Variants in CLIP4 observed in about 807,000 individuals in gnomAD.
The protein encoded by CLIP4 is CAP-Gly domain containing linker protein family member 4.
Under a neutral mutation model 73.1 loss-of-function variants are expected in CLIP4, and 47 were observed. The observed-to-expected ratio is 0.64, with a 90% CI of 0.51 to 0.82. The LOEUF (loss-of-function observed/expected upper bound fraction) is 0.82, where lower values mean the gene tolerates loss of function less well. Among genes scored for constraint, CLIP4 ranks in the 40% least tolerant of loss-of-function variants. The probability of loss-of-function intolerance (pLI) is 0.00; values close to 1 mark genes in which losing one functional copy is unlikely to be tolerated. For missense variants in CLIP4, 874 were observed against 852.9 expected, an observed-to-expected ratio of 1.02 and a Z score of -0.31; for synonymous variants, 306 against 295.4, an observed-to-expected ratio of 1.04 and a Z score of -0.37.
At chr2:29,159,663 A>G (rs1232820155) in intron 11 of CLIP4, among the ~76,000 whole-genome samples, 17 of 146,866 alleles carry the variant, frequency 1.2e-4, no homozygotes, top group Admixed American at 8.4e-4. Flanking sequence ...CTTGGTCAAC[A>G]CAGCAAGACC....
At chr2:29,166,441 C>G (rs1667621137) in intron 13 of CLIP4, among the ~76,000 whole-genome samples, 1 of 151,642 alleles carries the variant, frequency 6.6e-6, no homozygotes, top group African/African-American at 2.4e-5. Flanking sequence ...TATTTAATAC[C>G]TTTCTTCTGC....
At chr2:29,157,449 T>C (rs763020614) in intron 11 of CLIP4, 102 bp downstream of exon 11, 4 of 1,583,476 alleles carry the variant, frequency 2.5e-6, no homozygotes, top group Non-Finnish European at 3.5e-6. Flanking sequence ...ACCCTTTACT[T>C]CAATCAGATT....
intron 10 of CLIP4, 28 bp from the exon 11 acceptor site, chr2:29,157,176 C>T (rs775950873): frequency 3.1e-5 from 50 of 1,602,494 alleles, no homozygotes; most frequent in East Asian, 6.7e-5. Flanking sequence ...TATTTTCCAC[C>T]GTTTGACACG....
chr2:29,173,255 T>C (rs978351323), intron 14 of CLIP4, among the ~76,000 whole-genome samples: 2 of 152,226 alleles, frequency 1.3e-5, no homozygotes, highest in African/African-American at 4.8e-5. Flanking sequence ...TGAATTTCAT[T>C]CATGGTAACA....
chr2:29,173,266 A>T (rs923599505), intron 14 of CLIP4, among the ~76,000 whole-genome samples: 1 of 152,220 alleles, frequency 6.6e-6, no homozygotes, highest in African/African-American at 2.4e-5. Context: ...CATGGTAACA[A>T]ATTCTGAGGG....
At chr2:29,098,130 T>G (rs573405378) in intron 1 of CLIP4, among the ~76,000 whole-genome samples, 45 of 152,370 alleles carry the variant, frequency 3.0e-4, no homozygotes, top group Admixed American at 4.6e-4. Context: ...TGCAACCTTT[T>G]GTACGTAATG....
intron 15 of CLIP4, among the ~76,000 whole-genome samples, chr2:29,177,803 G>A (rs889624252): frequency 1.2e-4 from 19 of 152,112 alleles, no homozygotes; most frequent in Admixed American, 3.3e-4. Flanking sequence ...CAAATACCTA[G>A]AACATAGCCC....
chr2:29,101,342 T>C (rs1572847039), intron 1 of CLIP4, among the ~76,000 whole-genome samples: 2 of 144,564 alleles, frequency 1.4e-5, no homozygotes. Context: ...AAGCCGATAG[T>C]ACAATCTTCA....
At chr2:29,113,220 C>T (rs1668427605), upstream of CLIP4, among the ~76,000 whole-genome samples, 2 of 152,306 alleles carry the variant, frequency 1.3e-5, no homozygotes, top group South Asian at 4.1e-4. The surrounding 1 kb of genome is among the most constrained non-coding windows in gnomAD (Gnocchi z 4.0). Context: ...GAGTAATGCC[C>T]TTTCTCCACA....
rs1376929656 is a variant in CLIP4, at chr2:29,115,709, C to G, written c.-16+44C>G. Reference sequence around the variant, plus strand: ...GGGCCCCCCCGGGCCGCGGGCTGGCCGGCGGCGGGGTTGGGGCCGGGGTGG... The same window carrying G: ...GGGCCCCCCCGGGCCGCGGGCTGGCGGGCGGCGGGGTTGGGGCCGGGGTGG... On this transcript the variant is annotated intron_variant, in intron 1 of 15. Transcript: ENST00000320081. This position sits in a 1 kb window ranked among gnomAD's most constrained non-coding sequence, Gnocchi z 5.1. The G allele has an allele frequency of 6.8e-6, 1 of 147,962 alleles. No individual in the cohort carries two copies. Among genetic ancestry groups the G allele is most frequent in the Non-Finnish European group, 1.5e-5 (1 of 66,348 alleles). The allele number at this position is 147,962 out of a possible 1,614,324, so 9.2% of individuals were successfully genotyped here.
At chr2:29,122,892 G>A (rs1212662000) in intron 2 of CLIP4, among the ~76,000 whole-genome samples, 1 of 144,716 alleles carries the variant, frequency 6.9e-6, no homozygotes, top group African/African-American at 2.5e-5. Context: ...AGACTCTTAT[G>A]AACCTTTCCC....
At chr2:29,116,812 C>G (rs780965604) in intron 1 of CLIP4, among the ~76,000 whole-genome samples, 8 of 152,266 alleles carry the variant, frequency 5.3e-5, no homozygotes, top group Non-Finnish European at 1.2e-4. Context: ...AGATTTAGCC[C>G]ATGGTATTCT....
intron 2 of CLIP4, among the ~76,000 whole-genome samples, chr2:29,129,766 C>G (rs1482610751): frequency 3.9e-5 from 6 of 152,142 alleles, no homozygotes; most frequent in Non-Finnish European, 5.9e-5. Flanking sequence ...ACTCCTCCTT[C>G]AAGGGCACTC....
At chr2:29,167,341 C>T in intron 13 of CLIP4, 135 bp from the exon 14 acceptor site, 1 of 477,602 alleles carries the variant, frequency 2.1e-6, no homozygotes, top group Non-Finnish European at 3.8e-6. Flanking sequence ...GAAGTTCATT[C>T]CTGGCTTAAA....
At chr2:29,118,201 CTT>C (rs1664001341) in intron 1 of CLIP4, 1 of 152,192 alleles carries the variant, frequency 6.6e-6, no homozygotes, top group African/African-American at 2.4e-5. Flanking sequence ...CAAGGACACT[CTT>C]GAACCATATC....
chr2:29,133,859 C>G lies in CLIP4; in HGVS notation c.529+43C>G, dbSNP rs778996382. On this transcript the variant is annotated intron_variant, in intron 5 of 15. Transcript: ENST00000320081. The stretch of plus-strand genomic sequence containing the variant: ...ACCTTTAGATATTATTAACTGAACA[C>G]TTTAGTGGTGGCATAAAAATTATAA... 6.3e-6 allele frequency: 9 copies of G among 1,436,934 alleles called. No homozygotes were observed. The African/African-American group carries it at 7.2e-5, about 12-fold the overall frequency. The allele number at this position is 1,436,934 out of a possible 1,614,324, so 89.0% of individuals were successfully genotyped here.
intron 1 of CLIP4, among the ~76,000 whole-genome samples, chr2:29,101,628 C>T (rs1668052789): frequency 6.6e-6 from 1 of 152,180 alleles, no homozygotes; most frequent in South Asian, 2.1e-4. Flanking sequence ...CCTTTGACAA[C>T]ACCCTCACCG....
In CLIP4 at chr2:29,104,808, G is replaced by T. The variant is rs115172867; in HGVS notation, c.-16+6861G>T. Among the ~76,000 whole-genome samples the T allele has an allele frequency of 9.8e-3, 1,490 of 152,290 alleles. 26 individuals are homozygous for T. Among genetic ancestry groups the T allele is most frequent in the African/African-American group, 0.034 (1,418 of 41,538 alleles). On this transcript the variant is annotated intron_variant, in intron 1 of 14. Transcript: ENST00000401605. ...GAAAATGCAGCTCCCTGGTAGGTAG[G>T]TCACTTGACAAGCTGAGCCTTGAGA... is the stretch of plus-strand genomic sequence containing the variant.
Position 29,147,777 on chromosome 2 carries a change from G to A in CLIP4, c.1021+2410G>A, listed in dbSNP as rs59571614. ...TTAACCATCTTCACCTCACAGTGCT[G>A]CAGAGCACTAGAACTTATTCCTCCT... is the stretch of plus-strand genomic sequence containing the variant. On this transcript the variant is annotated intron_variant, in intron 8 of 15. Coordinates refer to ENST00000320081, the MANE Select transcript of CLIP4 (RefSeq NM_024692.6). 8.6e-3 allele frequency among the ~76,000 whole-genome samples: 1,311 copies of A among 152,216 alleles called. 17 individuals are homozygous for A. Among genetic ancestry groups the A allele is most frequent in the African/African-American group, 0.03 (1,240 of 41,538 alleles).
Sources: gnomAD v4.1 joint callset for allele counts (sites outside exome capture counted in the v4.1 genomes callset) on GRCh38, gnomAD v4.1.1 for gene constraint, Gnocchi (gnomAD v3.1) non-coding constraint, MANE v1.5 for transcripts, NCBI Gene and HGNC (gene_info 2026-07-23, HGNC 2026-07-21) for gene names.